The following PHLPP2 variants were observed in gnomAD, a reference collection of about 807,000 sequenced individuals.
PHLPP2 encodes the protein PH domain leucine-rich repeat-containing protein phosphatase 2.
PHLPP2 carries 66 observed loss-of-function variants against 124.9 expected under a neutral mutation model. The observed-to-expected ratio is 0.53, with a 90% CI of 0.43 to 0.65. PHLPP2 has a LOEUF of 0.65. Ranked by LOEUF, PHLPP2 falls within the 30% of genes least tolerant of loss-of-function variation. PHLPP2 has a pLI of 0.00. For missense variants in PHLPP2, 1,685 were observed against 1,600.4 expected (o/e 1.05, Z -0.90); for synonymous variants, 681 against 624.7 (o/e 1.09, Z -1.34).
Position 71,667,218 on chromosome 16 carries a change from G to C in PHLPP2, c.1744C>G (p.Leu582Val). 6.2e-7 allele frequency: 1 copy of C among 1,613,864 alleles called. No homozygotes were observed. The highest frequency in any genetic ancestry group is 8.5e-7 in the Non-Finnish European group (1 of 1,179,898). The change falls in exon 12 of 19, where the codon CTC becomes GTC. Residue 582 changes from leucine to valine, a missense_variant. By Grantham distance (32) the Leu-to-Val change is conservative. Transcript: ENST00000568954. ...AAGAGGGTGTCTGGCAGCCTCGTGA[G>C]TGCATTATGCTGAAGATCCAGCACC... The part of the protein sequence containing the change: ...LEVLDLQHNA[L>V]TRLPDTLFSK...
intron 3 of PHLPP2, among the ~76,000 whole-genome samples, chr16:71,697,906 G>A (rs1210682740): frequency 6.9e-6 from 1 of 144,750 alleles, no homozygotes; most frequent in Non-Finnish European, 1.5e-5. Flanking sequence ...GGAGTGCAGT[G>A]GCACCATCTC....
chr16:71,650,334 A>G (rs1337641891), intron 18 of PHLPP2, among the ~76,000 whole-genome samples: 1 of 152,238 alleles, frequency 6.6e-6, no homozygotes, highest in African/African-American at 2.4e-5. Context: ...GTCTATAAAT[A>G]GAGAAACATG....
intron 5 of PHLPP2, among the ~76,000 whole-genome samples, chr16:71,683,937 C>A (rs550716216): frequency 7.7e-6 from 1 of 130,090 alleles, no homozygotes; most frequent in Non-Finnish European, 1.7e-5. Context: ...GGATTACAGG[C>A]ATGTGCCACT....
chr16:71,712,314 T>C (rs574819421), intron 2 of PHLPP2, among the ~76,000 whole-genome samples: 1 of 152,300 alleles, frequency 6.6e-6, no homozygotes, highest in East Asian at 1.9e-4. Context: ...AATTATACCT[T>C]CAAAGGGCTA....
At chr16:71,684,908 G>A (rs373275094) in intron 4 of PHLPP2, among the ~76,000 whole-genome samples, 5 of 152,144 alleles carry the variant, frequency 3.3e-5, no homozygotes, top group African/African-American at 7.2e-5. Flanking sequence ...CTTACTGCAC[G>A]GAACTCTTAA....
chr16:71,657,809 G>C (rs2044754937), intron 15 of PHLPP2, among the ~76,000 whole-genome samples: 1 of 152,204 alleles, frequency 6.6e-6, no homozygotes, highest in Non-Finnish European at 1.5e-5. Context: ...AGAAAGGAAA[G>C]GGGTAGGAGG....
intron 6 of PHLPP2, among the ~76,000 whole-genome samples, chr16:71,680,619 T>C (rs866823727): frequency 2.0e-5 from 3 of 152,220 alleles, no homozygotes; most frequent in South Asian, 2.1e-4. Context: ...TTCGTTATTA[T>C]ACAAGTGCAA....
intron 1 of PHLPP2, among the ~76,000 whole-genome samples, chr16:71,716,087 C>T (rs1199108033): frequency 4.6e-5 from 7 of 151,942 alleles, no homozygotes; most frequent in Non-Finnish European, 1.0e-4. Flanking sequence ...TATGTTTCAC[C>T]CTGTAATTTT....
chr16:71,664,202 C>G (rs2044818707), intron 12 of PHLPP2, 103 bp from the exon 13 acceptor site: 2 of 792,482 alleles, frequency 2.5e-6, no homozygotes, highest in Non-Finnish European at 2.1e-6. Flanking sequence ...CCATTCTAAG[C>G]TTCCAAATGG....
intron 1 of PHLPP2, among the ~76,000 whole-genome samples, chr16:71,717,350 T>C (rs1272370412): frequency 1.3e-5 from 2 of 152,240 alleles, no homozygotes; most frequent in South Asian, 2.1e-4. Context: ...AATGGCTTTA[T>C]TGTTTAAATT....
chr16:71,679,585 T>C, intron 6 of PHLPP2, 50 bp from the exon 7 acceptor site: 2 of 1,511,310 alleles, frequency 1.3e-6, no homozygotes, highest in South Asian at 2.3e-5. Context: ...CATCTATTAC[T>C]GTATCTTTAC....
intron 3 of PHLPP2, among the ~76,000 whole-genome samples, chr16:71,691,368 G>A (rs1312012129): frequency 2.0e-5 from 3 of 152,066 alleles, no homozygotes; most frequent in Non-Finnish European, 4.4e-5. Flanking sequence ...AGCTGAGGCA[G>A]GAGAATGGCG....
chr16:71,657,876 T>C (rs1189286709), intron 15 of PHLPP2, among the ~76,000 whole-genome samples: 1 of 152,194 alleles, frequency 6.6e-6, no homozygotes, highest in East Asian at 1.9e-4. Context: ...TTCTATGTTT[T>C]AGCCAACCAT....
intron 1 of PHLPP2, among the ~76,000 whole-genome samples, chr16:71,717,533 A>T (rs2045371075): frequency 6.6e-6 from 1 of 152,214 alleles, no homozygotes; most frequent in South Asian, 2.1e-4. Flanking sequence ...CTCAGAATGA[A>T]AGGGCTTTCA....
intron 8 of PHLPP2, chr16:71,676,938 G>A (rs2044952077): frequency 2.8e-6 from 1 of 351,058 alleles, no homozygotes; most frequent in South Asian, 2.5e-5. Context: ...TAGTAGAGCT[G>A]GGGTTTCACC....
chr16:71,694,218 T>C (rs1281318012), intron 3 of PHLPP2, among the ~76,000 whole-genome samples: 2 of 132,640 alleles, frequency 1.5e-5, no homozygotes, highest in African/African-American at 5.5e-5. Flanking sequence ...AATAAAATAA[T>C]TTTTAAAATT....
rs1253350066 is a variant in PHLPP2 at position 71,690,574 on chromosome 16, G to A, written c.554C>T (p.Ser185Leu). The change falls in exon 4 of 19, where the codon TCA becomes TTA. Residue 185 changes from serine to leucine, a missense_variant. Physicochemically the swap from Ser to Leu is moderately radical, Grantham distance 145 (BLOSUM62 -2). Coordinates refer to ENST00000568954, the MANE Select transcript of PHLPP2 (RefSeq NM_015020.3). ...VLCGTCLIVS[S>L]VKDCQTGKMH... Reference sequence around the variant, plus strand: ...CTTTCCAGTTTGACAATCCTTCACTGAGGAAACGATAAGGCAGGTACCACA... The same window carrying A: ...CTTTCCAGTTTGACAATCCTTCACTAAGGAAACGATAAGGCAGGTACCACA... 5.6e-6 allele frequency: 9 copies of A among 1,613,160 alleles called. No individual in the cohort carries two copies. Among genetic ancestry groups the A allele is most frequent in the East Asian group, 4.5e-5 (2 of 44,872 alleles).
chr16:71,702,652 T>C lies in PHLPP2; in HGVS notation c.364A>G (p.Ile122Val), dbSNP rs1284177972. 8 of 1,609,092 alleles carry C rather than the reference T, an allele frequency of 5.0e-6. No individual in the cohort carries two copies. The highest frequency in any genetic ancestry group is 4.0e-5 in the African/African-American group (3 of 74,844). Reference protein sequence around the residue: ...SRLGFDDPVRIQEEATNPDLG... With the variant: ...SRLGFDDPVRVQEEATNPDLG... ...TCAGGATTTGTAGCCTCCTCCTGTA[T>C]GCGCACAGGATCATCAAATCCCAGC... Residue 122 changes from isoleucine (I) to valine (V), a missense_variant, in exon 3 of 19, where the codon ATA (isoleucine) becomes GTA (valine). By Grantham distance (29) the Ile-to-Val change is conservative (BLOSUM62 3). Transcript: ENST00000568954.
At chr16:71,653,060 G>T in intron 17 of PHLPP2, 39 bp from the exon 18 acceptor site, 141 of 1,088,390 alleles carry the variant, frequency 1.3e-4, no homozygotes, top group Non-Finnish European at 1.8e-4. Context: ...GTGGTGGCTA[G>T]TTTTAGAAGA....
Sources: gnomAD v4.1 joint callset for allele counts (sites outside exome capture counted in the v4.1 genomes callset) on GRCh38, gnomAD v4.1.1 for gene constraint, MANE v1.5 for transcripts, NCBI Gene and HGNC (gene_info 2026-07-23, HGNC 2026-07-21) for gene names.